The following NAV2 variants were observed in gnomAD, a reference collection of about 807,000 sequenced individuals.
NAV2 encodes the protein helicase, APC down-regulated 1.
NAV2 carries 54 observed loss-of-function variants against 223.2 expected under a neutral mutation model. The ratio of observed to expected loss-of-function variants is 0.24; its 90% confidence interval spans 0.19 to 0.30. The LOEUF (loss-of-function observed/expected upper bound fraction) is 0.30. Ranked by LOEUF, NAV2 falls within the 10% of genes least tolerant of loss-of-function variation. The probability of loss-of-function intolerance (pLI) is 1.00; values close to 1 mark genes in which losing one functional copy is unlikely to be tolerated. For synonymous variants in NAV2, 1,279 were observed against 1,239.3 expected, an observed-to-expected ratio of 1.03 and a Z score of -0.67; for missense variants, 2,806 against 3,147.5, an observed-to-expected ratio of 0.89 and a Z score of 2.60.
chr11:19,604,089 T>C (rs1445232461), intron 1 of NAV2, among the ~76,000 whole-genome samples: 6 of 152,130 alleles, frequency 3.9e-5, no homozygotes, highest in Non-Finnish European at 8.8e-5. Context: ...CTGTATCACA[T>C]AGGACTTTCT....
intron 1 of NAV2, among the ~76,000 whole-genome samples, chr11:19,736,467 C>T (rs986404321): frequency 2.6e-5 from 4 of 152,030 alleles, no homozygotes; most frequent in Non-Finnish European, 4.4e-5. Context: ...CTTTATCTTC[C>T]AGTGGTAAGG....
rs1592134435 is a variant in NAV2, at chr11:20,097,491, G to T, written c.6013-86G>T. The T allele has an allele frequency of 1.8e-5, 20 of 1,093,698 alleles. No individual in the cohort carries two copies. In the East Asian group the frequency reaches 2.1e-4, roughly 11 times the overall value. 67.7% of individuals were successfully genotyped at this position (1,093,698 alleles called of 1,614,324 possible). A position where few individuals can be genotyped will look rare whatever the true frequency, so the allele number is the denominator to read the frequency against. On this transcript the variant is annotated intron_variant, in intron 30 of 37. Coordinates refer to ENST00000349880, the MANE Select transcript of NAV2 (RefSeq NM_145117.5). ...AGACATCTGAGAAAGAAGAGAATAT[G>T]ATCATAAATCACCCAGGGAAAACAT...
chr11:19,910,047 T>TGTTA (rs1231023740), intron 6 of NAV2, among the ~76,000 whole-genome samples: 1 of 152,084 alleles, frequency 6.6e-6, no homozygotes, highest in African/African-American at 2.4e-5. Flanking sequence ...CCTGGAGGTG[T>TGTTA]GTTAGGTATT....
intron 1 of NAV2, among the ~76,000 whole-genome samples, chr11:19,759,849 G>A (rs1366727760): frequency 3.9e-5 from 6 of 152,094 alleles, no homozygotes; most frequent in African/African-American, 1.4e-4. Flanking sequence ...GCCGTTTGAG[G>A]CGCAGGTGCA....
intron 19 of NAV2, among the ~76,000 whole-genome samples, chr11:20,058,464 C>T (rs948630107): frequency 9.9e-5 from 15 of 152,056 alleles, no homozygotes; most frequent in Admixed American, 8.5e-4. Flanking sequence ...ACTTTAATAG[C>T]GTACATTTAA....
intron 1 of NAV2, among the ~76,000 whole-genome samples, chr11:19,597,089 A>T (rs978123562): frequency 3.3e-5 from 5 of 152,042 alleles, no homozygotes; most frequent in Non-Finnish European, 7.4e-5. Flanking sequence ...CTCTGGCTTC[A>T]CTCTGCTCAG....
At position 20,022,501 on chromosome 11, in the gene NAV2, AC is replaced by A. The variant is rs1374401717; in HGVS notation, c.2769-13457del. On this transcript the variant is annotated intron_variant, in intron 11 of 37. Transcript: ENST00000349880. Reference sequence around the variant, plus strand: ...AAATAATGTATGTGTGTCGTTGTTAACTGTACAAACAGGTATCATTTCCTTT... The same window carrying A: ...AAATAATGTATGTGTGTCGTTGTTAATGTACAAACAGGTATCATTTCCTTT... 2.6e-5 allele frequency: 25 copies of A among 974,548 alleles called. No individual in the cohort carries two copies. In the South Asian group the frequency reaches 1.1e-3, roughly 44 times the overall value. 60.4% of individuals were successfully genotyped at this position (974,548 alleles called of 1,614,324 possible). A position where few individuals can be genotyped will look rare whatever the true frequency, so the allele number is the denominator to read the frequency against.
At chr11:20,116,143 A>G (rs1474090721) in intron 37 of NAV2, among the ~76,000 whole-genome samples, 6 of 152,226 alleles carry the variant, frequency 3.9e-5, no homozygotes, top group African/African-American at 1.4e-4. Flanking sequence ...CAAAAAGAAA[A>G]CATAACAGAG....
At chr11:20,041,255 G>C (rs2056894311) in intron 12 of NAV2, among the ~76,000 whole-genome samples, 1 of 152,228 alleles carries the variant, frequency 6.6e-6, no homozygotes, top group Admixed American at 6.5e-5. Context: ...GGGCTCTGCA[G>C]TTAGACTCCC....
At chr11:19,382,431 T>C (rs1392851011) in intron 1 of NAV2, among the ~76,000 whole-genome samples, 1 of 152,198 alleles carries the variant, frequency 6.6e-6, no homozygotes, top group Non-Finnish European at 1.5e-5. Context: ...GAATTGGAAC[T>C]TGTCGGGGAG....
At chr11:19,491,883 T>A (rs1198619129) in intron 1 of NAV2, among the ~76,000 whole-genome samples, 1 of 152,084 alleles carries the variant, frequency 6.6e-6, no homozygotes, top group Non-Finnish European at 1.5e-5. Flanking sequence ...ACTTGAACAC[T>A]TAGAAGCCAT....
At chr11:19,762,533 T>C (rs1349965394) in intron 1 of NAV2, among the ~76,000 whole-genome samples, 4 of 152,180 alleles carry the variant, frequency 2.6e-5, no homozygotes, top group Admixed American at 6.5e-5. Flanking sequence ...GCTCCTAATC[T>C]TCTGTTCTCC....
chr11:20,029,850 T>C (rs2055527906), intron 11 of NAV2, among the ~76,000 whole-genome samples: 1 of 152,258 alleles, frequency 6.6e-6, no homozygotes, highest in African/African-American at 2.4e-5. Context: ...CTTATCTGAC[T>C]TGACCAATGT....
At chr11:19,584,222 A>C (rs2045819990) in intron 1 of NAV2, among the ~76,000 whole-genome samples, 1 of 151,888 alleles carries the variant, frequency 6.6e-6, no homozygotes, top group Admixed American at 6.6e-5. Flanking sequence ...ATCGGTGGTG[A>C]TATTCCCTTT....
intron 1 of NAV2, among the ~76,000 whole-genome samples, chr11:19,610,015 A>G (rs2046592734): frequency 6.6e-6 from 1 of 152,246 alleles, no homozygotes; most frequent in African/African-American, 2.4e-5. Flanking sequence ...ACACTAAGCT[A>G]GGGGCTCTCC....
At chr11:19,599,332 T>G (rs1223220787) in intron 1 of NAV2, among the ~76,000 whole-genome samples, 1 of 152,232 alleles carries the variant, frequency 6.6e-6, no homozygotes, top group African/African-American at 2.4e-5. Flanking sequence ...TCCTTTTTCA[T>G]GTTTTCCTTC....
chr11:19,629,483 A>G (rs887096340), intron 1 of NAV2, among the ~76,000 whole-genome samples: 1 of 151,948 alleles, frequency 6.6e-6, no homozygotes, highest in Non-Finnish European at 1.5e-5. Flanking sequence ...ACTTGCGCAC[A>G]CACACACACG....
Position 19,609,159 on chromosome 11 carries a change from A to T in NAV2, c.76-223325A>T, listed in dbSNP as rs184955460. Among the ~76,000 whole-genome samples the T allele has an allele frequency of 2.2e-3, 340 of 152,318 alleles. 3 individuals are homozygous for T. The highest frequency in any genetic ancestry group is 7.8e-3 in the African/African-American group (323 of 41,554). ...GGGATTGGGTCGCAGACATCTCTAG[A>T]TGGCACGATTCTGCCTAGTACACCA... On this transcript the variant is annotated intron_variant, in intron 1 of 37. Transcript: ENST00000360655.
intron 10 of NAV2, among the ~76,000 whole-genome samples, chr11:19,950,295 G>A (rs991287173): frequency 6.6e-6 from 1 of 152,122 alleles, no homozygotes. Context: ...GCCAAACACA[G>A]TGCTAGGTGC....
Sources: gnomAD v4.1 joint callset for allele counts (sites outside exome capture counted in the v4.1 genomes callset) on GRCh38, gnomAD v4.1.1 for gene constraint, MANE v1.5 for transcripts, NCBI Gene and HGNC (gene_info 2026-07-23, HGNC 2026-07-21) for gene names.